Variants in MEGF9 observed in about 807,000 individuals in gnomAD.
MEGF9 encodes multiple EGF like domains 9, also known as multiple epidermal growth factor-like domains protein 9.
MEGF9 carries 6 observed loss-of-function variants against 46.8 expected under a neutral mutation model. The observed-to-expected ratio is 0.13, with a 90% CI of 0.07 to 0.25. MEGF9 has a LOEUF of 0.25. MEGF9 is among the 10% of genes least tolerant of loss of function. The probability of loss-of-function intolerance (pLI) is 1.00; values close to 1 mark genes in which losing one functional copy is unlikely to be tolerated. For missense variants in MEGF9, 683 were observed against 792.4 expected (o/e 0.86, Z 1.66); for synonymous variants, 302 against 330.7 (o/e 0.91, Z 0.94).
At chr9:120,644,865 C>G (rs994368689) in intron 2 of MEGF9, among the ~76,000 whole-genome samples, 1 of 152,144 alleles carries the variant, frequency 6.6e-6, no homozygotes. Flanking sequence ...CAGGAAAACA[C>G]TACATGTTCG....
chr9:120,647,302 A>G (rs2043630252), intron 2 of MEGF9, among the ~76,000 whole-genome samples: 1 of 152,204 alleles, frequency 6.6e-6, no homozygotes. Context: ...CATTATTTAC[A>G]CTTAAATCCC....
chr9:120,711,490 A>G (rs953190319), intron 1 of MEGF9, among the ~76,000 whole-genome samples: 1 of 152,154 alleles, frequency 6.6e-6, no homozygotes, highest in African/African-American at 2.4e-5. Context: ...AGATCTGACA[A>G]ATTGCTAACA....
At chr9:120,642,895 T>G (rs1402069852) in intron 2 of MEGF9, among the ~76,000 whole-genome samples, 1 of 152,228 alleles carries the variant, frequency 6.6e-6, no homozygotes, top group Non-Finnish European at 1.5e-5. Context: ...CTGTAGTGTA[T>G]GTAGAAAACC....
At chr9:120,710,437 A>AAAG (rs1463227605) in intron 1 of MEGF9, among the ~76,000 whole-genome samples, 2 of 151,144 alleles carry the variant, frequency 1.3e-5, no homozygotes, top group African/African-American at 4.9e-5. Context: ...AAAAAAAAAA[A>AAAG]AAAAAAAAAG....
chr9:120,615,779 A>C (rs1363588570), intron 3 of MEGF9, among the ~76,000 whole-genome samples: 1 of 152,010 alleles, frequency 6.6e-6, no homozygotes, highest in East Asian at 1.9e-4. Flanking sequence ...CCTGAGTCCC[A>C]GCTACTCAGG....
intron 3 of MEGF9, among the ~76,000 whole-genome samples, chr9:120,616,709 G>A (rs1448358050): frequency 6.7e-6 from 1 of 148,790 alleles, no homozygotes; most frequent in African/African-American, 2.5e-5. Flanking sequence ...AAGTGGTATG[G>A]GAATTAATGT....
At chr9:120,666,767 A>G (rs2043726938) in intron 1 of MEGF9, among the ~76,000 whole-genome samples, 1 of 152,232 alleles carries the variant, frequency 6.6e-6, no homozygotes, top group Non-Finnish European at 1.5e-5. Flanking sequence ...CAACTAGTGA[A>G]TGGATACACT....
At chr9:120,627,965 T>A (rs2043532751) in intron 2 of MEGF9, among the ~76,000 whole-genome samples, 1 of 152,232 alleles carries the variant, frequency 6.6e-6, no homozygotes, top group Admixed American at 6.5e-5. Context: ...TTTTAAGCTA[T>A]TTTTAAATAA....
At chr9:120,625,046 G>C (rs1178358573) in intron 2 of MEGF9, among the ~76,000 whole-genome samples, 2 of 152,118 alleles carry the variant, frequency 1.3e-5, no homozygotes, top group Non-Finnish European at 2.9e-5. Context: ...GGCTGAGGCA[G>C]GAAGATCACT....
chr9:120,692,313 T>C (rs1159320878), intron 1 of MEGF9, among the ~76,000 whole-genome samples: 1 of 152,232 alleles, frequency 6.6e-6, no homozygotes, highest in Non-Finnish European at 1.5e-5. Flanking sequence ...CTATGTGTTA[T>C]ACCAACAAGT....
intron 2 of MEGF9, among the ~76,000 whole-genome samples, chr9:120,653,765 GACAA>G (rs1244045655): frequency 6.6e-6 from 1 of 152,140 alleles, no homozygotes; most frequent in African/African-American, 2.4e-5. Flanking sequence ...ATATGCCAAA[GACAA>G]ACAAGAAATA....
At chr9:120,664,749 G>A (rs1211159563) in intron 1 of MEGF9, among the ~76,000 whole-genome samples, 2 of 152,068 alleles carry the variant, frequency 1.3e-5, no homozygotes, top group Admixed American at 1.3e-4. Context: ...CTAATACAGA[G>A]CACTCACCGG....
chr9:120,621,436 A>G (rs2043498919), intron 3 of MEGF9, among the ~76,000 whole-genome samples: 1 of 152,214 alleles, frequency 6.6e-6, no homozygotes, highest in African/African-American at 2.4e-5. Flanking sequence ...TTCACTGTGT[A>G]CAATCTACTG....
intron 1 of MEGF9, among the ~76,000 whole-genome samples, chr9:120,662,614 A>C (rs1290849991): frequency 1.3e-5 from 2 of 152,262 alleles, no homozygotes; most frequent in East Asian, 3.8e-4. Flanking sequence ...TAAACAGGGC[A>C]TAATAATAGT....
intron 3 of MEGF9, among the ~76,000 whole-genome samples, chr9:120,621,361 T>C (rs1424158888): frequency 1.3e-5 from 2 of 152,198 alleles, no homozygotes; most frequent in African/African-American, 2.4e-5. Flanking sequence ...TTCCATTATA[T>C]TTTCTCGAAA....
At chr9:120,677,553 T>C (rs1183032426) in intron 1 of MEGF9, among the ~76,000 whole-genome samples, 1 of 152,214 alleles carries the variant, frequency 6.6e-6, no homozygotes, top group Non-Finnish European at 1.5e-5. Context: ...GGCAACACCT[T>C]GCATTTGTTT....
chr9:120,714,139 T>C lies in MEGF9; in HGVS notation c.220A>G (p.Thr74Ala), dbSNP rs2043967089. ...SHPFPRATAP[T>A]AQAPRTGPPR... ...GGCCCGGTCCTCGGGGCCTGGGCCG[T>C]GGGAGCCGTCGCCCTAGGGAAGGGG... The change falls in exon 1 of 6, where the codon ACG becomes GCG. Residue 74 changes from threonine to alanine, a missense_variant. Thr to Ala is a moderately conservative substitution (Grantham distance 58, BLOSUM62 0). This residue lies in a region of MEGF9 where 370 missense variants were observed against 371.3 expected (regional missense o/e 1.00). Coordinates refer to ENST00000373930, the MANE Select transcript of MEGF9 (RefSeq NM_001080497.3). 1.6e-6 allele frequency: 2 copies of C among 1,236,430 alleles called. No individual in the cohort carries two copies. Among genetic ancestry groups the C allele is most frequent in the East Asian group, 6.3e-5 (2 of 31,688 alleles). The allele number at this position is 1,236,430 out of a possible 1,614,324, so 76.6% of individuals were successfully genotyped here. A position where few individuals can be genotyped will look rare whatever the true frequency, so the allele number is the denominator to read the frequency against.
chr9:120,609,293 A>G (rs2043434093), intron 4 of MEGF9, among the ~76,000 whole-genome samples: 1 of 81,660 alleles, frequency 1.2e-5, no homozygotes, highest in Admixed American at 1.7e-4. Context: ...TGCATGGGAC[A>G]TCCTCTTGTC....
chr9:120,641,267 T>C (rs1023433036), intron 2 of MEGF9, among the ~76,000 whole-genome samples: 1 of 152,210 alleles, frequency 6.6e-6, no homozygotes, highest in African/African-American at 2.4e-5. Context: ...TAGCCCATGA[T>C]AGGCCAATCA....
Sources: allele counts gnomAD v4.1 joint callset (sites outside exome capture counted in the v4.1 genomes callset), GRCh38; gene constraint gnomAD v4.1.1; regional missense constraint gnomAD v4.1.1; transcripts MANE v1.5; gene names NCBI Gene and HGNC (gene_info 2026-07-23, HGNC 2026-07-21).